Variants in ARHGAP6 observed in about 807,000 individuals in gnomAD.
The protein encoded by ARHGAP6 is rho GTPase-activating protein 6.
In ARHGAP6, 16 loss-of-function variants were observed where a neutral mutation model predicts 55.7. The ratio of observed to expected loss-of-function variants is 0.29; its 90% CI spans 0.19 to 0.44. The LOEUF is 0.44. ARHGAP6 is among the 20% of genes least tolerant of loss of function. The pLI, the probability that ARHGAP6 is intolerant of heterozygous loss-of-function variation, is 1.00. For synonymous variants in ARHGAP6, 382 were observed against 360.9 expected (o/e 1.06, Z -0.66); for missense variants, 698 against 808.9 (o/e 0.86, Z 1.66).
chrX:11,152,151 A>T (rs1390582090), intron 10 of ARHGAP6, among the ~76,000 whole-genome samples: 1 of 112,319 alleles, frequency 8.9e-6, no homozygotes, highest in East Asian at 2.8e-4. Flanking sequence ...CTAGAGAGAG[A>T]GATCTATCTA....
chrX:11,184,857 A>C (rs2046365969), intron 5 of ARHGAP6, among the ~76,000 whole-genome samples: 1 of 111,974 alleles, frequency 8.9e-6, no homozygotes, highest in Non-Finnish European at 1.9e-5. Flanking sequence ...GCAATAAATT[A>C]GGCAATTTCA....
intron 1 of ARHGAP6, among the ~76,000 whole-genome samples, chrX:11,573,936 C>A (rs1201673371): frequency 1.8e-5 from 2 of 111,399 alleles, no homozygotes; most frequent in Non-Finnish European, 3.8e-5. Context: ...GTATTTTATT[C>A]TCTTTGAAGC....
At chrX:11,394,426 A>T (rs773842774) in intron 1 of ARHGAP6, among the ~76,000 whole-genome samples, 4 of 111,986 alleles carry the variant, frequency 3.6e-5, no homozygotes, top group Non-Finnish European at 5.6e-5. Context: ...TTTCATTGGG[A>T]TGATGGAAAT....
At chrX:11,623,801 T>C (rs1196142088) in intron 1 of ARHGAP6, among the ~76,000 whole-genome samples, 4 of 111,309 alleles carry the variant, frequency 3.6e-5, no homozygotes, top group African/African-American at 1.3e-4. Flanking sequence ...AAAATATCCA[T>C]CTTACCCAAA....
chrX:11,169,753 C>A, intron 8 of ARHGAP6, 69 bp from the exon 9 acceptor site: 1 of 847,273 alleles, frequency 1.2e-6, no homozygotes, highest in Non-Finnish European at 1.6e-6. Flanking sequence ...ATTCAACAAT[C>A]AATGAAACCT....
At position 11,296,959 on chromosome X, in the gene ARHGAP6, C is replaced by T. The variant is rs188865418; in HGVS notation, c.589-42252G>A. The T allele has an allele frequency of 6.0e-3, 5,533 of 927,613 alleles. 20 individuals carry two copies. Among genetic ancestry groups the T allele is most frequent in the South Asian group, 9.2e-3 (438 of 47,534 alleles). 76.4% of individuals were successfully genotyped at this position (927,613 alleles called of 1,213,427 possible). On this transcript the variant is annotated intron_variant, in intron 1 of 12. Transcript: ENST00000337414. ...CTGATTTTACAGTTCCTACCACCAGCTTCCCAGTTTAAGCTCTGATGGTTG... is the reference window on the plus strand; with the variant it reads ...CTGATTTTACAGTTCCTACCACCAGTTTCCCAGTTTAAGCTCTGATGGTTG...
chrX:11,291,305 G>C (rs1472300509), intron 1 of ARHGAP6, among the ~76,000 whole-genome samples: 1 of 111,638 alleles, frequency 9.0e-6, no homozygotes, highest in Non-Finnish European at 1.9e-5. Flanking sequence ...GGCCATCAAA[G>C]CTTGTTCAAC....
rs772318640 is a variant in ARHGAP6, at chrX:11,420,654, CCTCTTTCCTTTGGCTTTTCTTTCAGCAA to C, written c.589-165975_589-165948del. The stretch of plus-strand genomic sequence containing the variant: ...AACGCTGGGAGCCACTGTTTCCCTC[CCTCTTTCCTTTGGCTTTTCTTTCAGCAA>C]CTCTTCCCTTTTCCCCAGAGCAGGC... On this transcript the variant is annotated intron_variant, in intron 1 of 12. Transcript: ENST00000337414. 1.7e-4 allele frequency among the ~76,000 whole-genome samples: 19 copies of C among 111,419 alleles called. No homozygotes were observed. In the South Asian group the frequency reaches 7.3e-3, roughly 43 times the overall value.
At chrX:11,473,959 A>T (rs757280948) in intron 1 of ARHGAP6, among the ~76,000 whole-genome samples, 2 of 111,152 alleles carry the variant, frequency 1.8e-5, no homozygotes, top group East Asian at 5.7e-4. Flanking sequence ...TGCCTTCTCA[A>T]CACTCCTTTT....
intron 1 of ARHGAP6, among the ~76,000 whole-genome samples, chrX:11,393,615 G>C (rs1377162843): frequency 2.7e-5 from 3 of 111,554 alleles, no homozygotes; most frequent in Non-Finnish European, 5.7e-5. Context: ...GTTGTACTAA[G>C]CACTGTGTTC....
At chrX:11,320,809 A>G (rs2048423310) in intron 1 of ARHGAP6, among the ~76,000 whole-genome samples, 1 of 103,279 alleles carries the variant, frequency 9.7e-6, no homozygotes, top group Admixed American at 1.0e-4. Flanking sequence ...ACACACACAC[A>G]CAGGTGTATA....
intron 1 of ARHGAP6, among the ~76,000 whole-genome samples, chrX:11,262,243 T>C (rs1267172402): frequency 4.5e-5 from 5 of 111,426 alleles, no homozygotes; most frequent in African/African-American, 1.3e-4. Flanking sequence ...CAATAGAGTC[T>C]TGATTAACTG....
chrX:11,146,563 T>C lies in ARHGAP6; in HGVS notation c.1908-2315A>G, dbSNP rs1373466000. On this transcript the variant is annotated intron_variant, in intron 10 of 12. Transcript: ENST00000337414. ...CACATGGCAAGCAGTTTGGGAAATA[T>C]ACTTATGTGAAATATCCCCTTGGCC... 3.5e-5 allele frequency among the ~76,000 whole-genome samples: 4 copies of C among 112,761 alleles called. No homozygotes were observed. In the East Asian group the frequency reaches 1.1e-3, roughly 31 times the overall value.
chrX:11,556,389 T>G (rs757499501), intron 1 of ARHGAP6, among the ~76,000 whole-genome samples: 6 of 111,892 alleles, frequency 5.4e-5, no homozygotes, highest in Admixed American at 9.4e-5. Context: ...GCAAAGTGAT[T>G]TGAGTTACAA....
At chrX:11,590,441 A>C (rs757796832) in intron 1 of ARHGAP6, among the ~76,000 whole-genome samples, 33 of 92,339 alleles carry the variant, frequency 3.6e-4, no homozygotes, top group Non-Finnish European at 5.9e-4. Flanking sequence ...ACTTTTAAAA[A>C]TTGTTGAATT....
intron 2 of ARHGAP6, among the ~76,000 whole-genome samples, chrX:11,211,735 G>C (rs943214808): frequency 9.1e-6 from 1 of 109,849 alleles, no homozygotes; most frequent in Non-Finnish European, 1.9e-5. Context: ...GTAGATAGCA[G>C]GTTTCACCAT....
intron 8 of ARHGAP6, among the ~76,000 whole-genome samples, chrX:11,174,625 T>TTCTG (rs1555964796): frequency 2.0e-4 from 3 of 14,980 alleles, no homozygotes; most frequent in African/African-American, 9.2e-4. Context: ...TCTCTTTCTT[T>TTCTG]TCTTTCTTTC....
intron 1 of ARHGAP6, among the ~76,000 whole-genome samples, chrX:11,515,892 T>A (rs1221989504): frequency 8.9e-6 from 1 of 112,435 alleles, no homozygotes; most frequent in Non-Finnish European, 1.9e-5. Flanking sequence ...TAAAATGGAG[T>A]CAAAAGCCCC....
At chrX:11,354,998 AT>A (rs1042955229) in intron 1 of ARHGAP6, among the ~76,000 whole-genome samples, 3 of 112,082 alleles carry the variant, frequency 2.7e-5, no homozygotes, top group African/African-American at 9.7e-5. Context: ...TACTTTAAAA[AT>A]TCAAGAAATT....
Sources: allele counts gnomAD v4.1 joint callset (sites outside exome capture counted in the v4.1 genomes callset), GRCh38; gene constraint gnomAD v4.1.1; transcripts MANE v1.5; gene names NCBI Gene and HGNC (gene_info 2026-07-23, HGNC 2026-07-21).